CMTM6: variants seen among roughly 807,000 people sequenced by gnomAD.
CMTM6 encodes CKLF-like MARVEL transmembrane domain-containing protein 6.
CMTM6 carries 5 observed loss-of-function variants against 13.6 expected under a neutral mutation model. That is an observed-to-expected ratio of 0.37 (90% CI 0.19 to 0.77). The LOEUF is 0.77. Ranked by LOEUF, CMTM6 falls within the 30% of genes least tolerant of loss-of-function variation. CMTM6 has a pLI of 0.50. For synonymous variants in CMTM6, 99 were observed against 84.5 expected (o/e 1.17, Z -0.94); for missense variants, 196 against 218.6 (o/e 0.90, Z 0.65).
chr3:32,485,443 T>C lies in CMTM6; in HGVS notation c.415-1346A>G, dbSNP rs143158259. Among the ~76,000 whole-genome samples the C allele has an allele frequency of 1.6e-4, 25 of 152,192 alleles. 1 individual carries two copies. In the East Asian group the frequency reaches 4.6e-3, roughly 28 times the overall value. ...TGTAAATTTTTTCCCTGGAACTCAA[T>C]TTTTCCTCAACTTCATTTCACTTTC... On this transcript the variant is annotated intron_variant, in intron 3 of 3. Coordinates refer to ENST00000205636, the MANE Select transcript of CMTM6 (RefSeq NM_017801.3).
intron 2 of CMTM6, among the ~76,000 whole-genome samples, chr3:32,489,580 A>G (rs1697234020): frequency 6.6e-6 from 1 of 151,742 alleles, no homozygotes; most frequent in East Asian, 1.9e-4. Flanking sequence ...AAACCCAGGA[A>G]GCACAAGGTT....
chr3:32,484,119 G>C (rs1189177574), intron 3 of CMTM6, 22 bp from the exon 4 acceptor site: 48 of 1,534,448 alleles, frequency 3.1e-5, no homozygotes, highest in Non-Finnish European at 4.1e-5. Flanking sequence ...AAGGAGGAAA[G>C]GTTATATGAG....
chr3:32,484,223 C>A (rs995321542), intron 3 of CMTM6, 126 bp from the exon 4 acceptor site: 1 of 832,652 alleles, frequency 1.2e-6, no homozygotes, highest in South Asian at 3.3e-5. Flanking sequence ...CACGACTACT[C>A]TTTAATGGTA....
At chr3:32,492,800 CATTT>C (rs759697638) in intron 1 of CMTM6, among the ~76,000 whole-genome samples, 1 of 152,210 alleles carries the variant, frequency 6.6e-6, no homozygotes, top group African/African-American at 2.4e-5. Flanking sequence ...TAAAAACGCA[CATTT>C]ATTAACAATC....
chr3:32,493,328 C>A (rs1396961318), intron 1 of CMTM6, among the ~76,000 whole-genome samples: 1 of 152,160 alleles, frequency 6.6e-6, no homozygotes, highest in Non-Finnish European at 1.5e-5. Flanking sequence ...ATTGGCAACT[C>A]AATTACACGC....
Position 32,488,014 on chromosome 3 carries a change from G to A in CMTM6, c.338C>T (p.Thr113Ile), listed in dbSNP as rs745881883. The A allele has an allele frequency of 6.2e-7, 1 of 1,612,824 alleles. No homozygotes were observed. The highest frequency in any genetic ancestry group is 2.2e-5 in the East Asian group (1 of 44,822). The stretch of plus-strand genomic sequence containing the variant: ...GGATGCCAACAAAAACACACATCCT[G>A]TTCCCAAAGTAATATAAAAATCCTA... ...KSSDFYITLG[T>I]GCVFLLASII... The change falls in exon 3 of 4, where the codon ACA becomes ATA. Residue 113 changes from threonine (T) to isoleucine (I), a missense_variant. Physicochemically the swap from Thr to Ile is moderately conservative, Grantham distance 89. Transcript: ENST00000205636.
chr3:32,495,057 A>C (rs1344491046), intron 1 of CMTM6, among the ~76,000 whole-genome samples: 1 of 152,132 alleles, frequency 6.6e-6, no homozygotes, highest in East Asian at 1.9e-4. Flanking sequence ...TTTCAAAATA[A>C]AAAGTTAAAA....
intron 1 of CMTM6, among the ~76,000 whole-genome samples, chr3:32,498,387 T>A: frequency 6.6e-6 from 1 of 152,324 alleles, no homozygotes; most frequent in Non-Finnish European, 1.5e-5. Context: ...TTTGTGTAGG[T>A]CTTCCCTGTA....
intron 1 of CMTM6, among the ~76,000 whole-genome samples, chr3:32,501,188 CAAA>C (rs545695553): frequency 5.1e-5 from 3 of 58,394 alleles, no homozygotes; most frequent in African/African-American, 6.4e-5. Flanking sequence ...GACTCGGTCT[CAAA>C]AAAAAAAAAA....
chr3:32,495,450 C>G (rs1432621639), intron 1 of CMTM6, among the ~76,000 whole-genome samples: 2 of 152,216 alleles, frequency 1.3e-5, no homozygotes, highest in African/African-American at 4.8e-5. Flanking sequence ...TACTAAATAT[C>G]TAACATTTCA....
chr3:32,485,404 A>T lies in CMTM6; in HGVS notation c.415-1307T>A, dbSNP rs528824155. Among the ~76,000 whole-genome samples, 43 of 152,098 alleles carry T rather than the reference A, an allele frequency of 2.8e-4. No homozygotes were observed. The East Asian group carries it at 3.9e-3, about 14-fold the overall frequency. On this transcript the variant is annotated intron_variant, in intron 3 of 3. Coordinates refer to ENST00000205636, the MANE Select transcript of CMTM6 (RefSeq NM_017801.3). ...GGGACAGTCTAATTAAAATATAAAAATTTTTTTTATAGCTGTAAATTTTTT... is the reference window on the plus strand; with the variant it reads ...GGGACAGTCTAATTAAAATATAAAATTTTTTTTTATAGCTGTAAATTTTTT...
At chr3:32,485,209 T>C (rs181210079) in intron 3 of CMTM6, among the ~76,000 whole-genome samples, 4 of 151,974 alleles carry the variant, frequency 2.6e-5, no homozygotes, top group Admixed American at 6.6e-5. Flanking sequence ...CTAGCTCTTT[T>C]GTTCACACAC....
rs1342193355 is a variant in CMTM6 at position 32,487,938 on chromosome 3, A to AATT, written c.411_413dup (p.Ile138dup). The AATT allele has an allele frequency of 1.2e-6, 2 of 1,604,988 alleles. No homozygotes were observed. Among genetic ancestry groups the AATT allele is most frequent in the Non-Finnish European group, 1.7e-6 (2 of 1,172,478 alleles). The stretch of plus-strand genomic sequence containing the variant: ...AATGTTAAAAATACAAGGTACTTAC[A>AATT]ATTGCAGCAATCTCAGCTGAAGTCC... On this transcript the variant is annotated inframe_insertion and splice_region_variant, in exon 3 of 4. Coordinates refer to ENST00000205636, the MANE Select transcript of CMTM6 (RefSeq NM_017801.3).
At position 32,491,860 on chromosome 3, in the gene CMTM6, A is replaced by G. The variant is rs762117749; in HGVS notation, c.165T>C (p.Cys55=). The change falls in exon 2 of 4, where the codon TGT becomes TGC. Residue 55 remains cysteine (C), a synonymous_variant. Transcript: ENST00000205636. Reference sequence around the variant, plus strand: ...AAGTACATTGTGATACAACTTCTTCACAGATGAAGGCCAGCAGAGACAGCA... The same window carrying G: ...AAGTACATTGTGATACAACTTCTTCGCAGATGAAGGCCAGCAGAGACAGCA... ...QLLLSLLAFI[C]EEVVSQCTLC... 2 of 1,610,416 alleles carry G rather than the reference A, an allele frequency of 1.2e-6. No homozygotes were observed. Among genetic ancestry groups the G allele is most frequent in the Non-Finnish European group, 1.7e-6 (2 of 1,178,934 alleles).
chr3:32,498,069 A>C (rs1697311615), intron 1 of CMTM6, among the ~76,000 whole-genome samples: 1 of 152,218 alleles, frequency 6.6e-6, no homozygotes, highest in Non-Finnish European at 1.5e-5. Context: ...TGAAGTCATC[A>C]TACTAAATAT....
intron 1 of CMTM6, among the ~76,000 whole-genome samples, chr3:32,497,996 A>G (rs2163057): frequency 0.61 from 92,976 of 152,024 alleles, 29,826 homozygotes; most frequent in African/African-American, 0.82. Flanking sequence ...CATGGTAAAC[A>G]TAACCCATAA....
In CMTM6 at chr3:32,489,850, G is replaced by A. The variant is rs886436950; in HGVS notation, c.316-1814C>T. On this transcript the variant is annotated intron_variant, in intron 2 of 3. Coordinates refer to ENST00000205636, the MANE Select transcript of CMTM6 (RefSeq NM_017801.3). ...GACCATAATGTAGTGTTCAATAAAC[G>A]GGTTCTAGAGCCAGTCTACCTGAGT... Among the ~76,000 whole-genome samples, 17 of 152,124 alleles carry A rather than the reference G, an allele frequency of 1.1e-4. No individual in the cohort carries two copies. The East Asian group carries it at 1.4e-3, about 12-fold the overall frequency.
Position 32,481,889 on chromosome 3 carries a change from G to C in CMTM6, c.*2071C>G, listed in dbSNP as rs929056968. ...TGGAGGTGAAACCTCAGAACAAGCG[G>C]AGCTTAAGCTCAATGACAGTATGTT... is the stretch of plus-strand genomic sequence containing the variant. On this transcript the variant is annotated 3_prime_UTR_variant, in exon 4 of 4. Coordinates refer to ENST00000205636, the MANE Select transcript of CMTM6 (RefSeq NM_017801.3). The C allele has an allele frequency of 1.3e-5, 2 of 152,230 alleles. No individual in the cohort carries two copies. The highest frequency in any genetic ancestry group is 4.8e-5 in the African/African-American group (2 of 41,468). 9.4% of individuals were successfully genotyped at this position (152,230 alleles called of 1,614,324 possible). A position where few individuals can be genotyped will look rare whatever the true frequency, so the allele number is the denominator to read the frequency against.
chr3:32,491,997 A>G, intron 1 of CMTM6, 111 bp from the exon 2 acceptor site: 2 of 917,294 alleles, frequency 2.2e-6, no homozygotes, highest in Non-Finnish European at 3.2e-6. Context: ...TGAGGAGACT[A>G]TGGCAAACAA....
Sources: gnomAD v4.1 joint callset for allele counts (sites outside exome capture counted in the v4.1 genomes callset) on GRCh38, gnomAD v4.1.1 for gene constraint, MANE v1.5 for transcripts, NCBI Gene and HGNC (gene_info 2026-07-23, HGNC 2026-07-21) for gene names.